The following NCOR1 variants were observed in gnomAD, a reference collection of about 807,000 sequenced individuals.
NCOR1 encodes nuclear receptor corepressor 1.
A neutral mutation model predicts 288.1 loss-of-function variants in NCOR1; 63 were observed. The observed-to-expected ratio is 0.22, with a 90% CI of 0.18 to 0.27. The LOEUF is 0.27. NCOR1 is among the 10% of genes least tolerant of loss of function. NCOR1 has a pLI of 1.00. For synonymous variants in NCOR1, 1,007 were observed against 1,065.9 expected, an observed-to-expected ratio of 0.94 and a Z score of 1.08; for missense variants, 2,397 against 3,019.2, an observed-to-expected ratio of 0.79 and a Z score of 4.83.
At chr17:16,168,478 G>A (rs1372419908) in intron 4 of NCOR1, among the ~76,000 whole-genome samples, 2 of 151,972 alleles carry the variant, frequency 1.3e-5, no homozygotes, top group African/African-American at 4.8e-5. Flanking sequence ...TGGGATTACA[G>A]GCGTGAGCCA....
intron 26 of NCOR1, among the ~76,000 whole-genome samples, chr17:16,077,822 C>T (rs560931031): frequency 1.3e-5 from 2 of 152,062 alleles, no homozygotes; most frequent in South Asian, 4.2e-4. Flanking sequence ...AATTCACAGT[C>T]CGAAATCACA....
At chr17:16,191,005 T>A (rs1033633037) in intron 2 of NCOR1, among the ~76,000 whole-genome samples, 2 of 152,218 alleles carry the variant, frequency 1.3e-5, no homozygotes, top group Non-Finnish European at 2.9e-5. Flanking sequence ...AAGGTTTGGA[T>A]AAGCCATAGG....
chr17:16,072,943 TCA>T (rs377449857), intron 28 of NCOR1, among the ~76,000 whole-genome samples: 6 of 152,180 alleles, frequency 3.9e-5, no homozygotes, highest in African/African-American at 1.4e-4. Flanking sequence ...CCTCTAACCC[TCA>T]CACAGTGTTA....
At chr17:16,201,992 T>C (rs2090875828) in intron 1 of NCOR1, among the ~76,000 whole-genome samples, 1 of 151,922 alleles carries the variant, frequency 6.6e-6, no homozygotes, top group Admixed American at 6.6e-5. Context: ...TTTGGGAGGC[T>C]GAGGCAGGAG....
At chr17:16,156,670 A>G (rs983863315) in intron 6 of NCOR1, among the ~76,000 whole-genome samples, 1 of 152,188 alleles carries the variant, frequency 6.6e-6, no homozygotes, top group African/African-American at 2.4e-5. Flanking sequence ...TTTTCTTCAT[A>G]AAATAAACAA....
At chr17:16,128,195 G>A (rs963207479) in intron 14 of NCOR1, among the ~76,000 whole-genome samples, 1 of 152,134 alleles carries the variant, frequency 6.6e-6, no homozygotes, top group Non-Finnish European at 1.5e-5. Context: ...TCACCATCCT[G>A]CCACATCATC....
chr17:16,215,365 G>A lies in NCOR1; in HGVS notation c.-74C>T, dbSNP rs1272978243. 2 of 394,212 alleles carry A rather than the reference G, an allele frequency of 5.1e-6. No homozygotes were observed. Among genetic ancestry groups the A allele is most frequent in the Non-Finnish European group, 9.0e-6 (2 of 223,438 alleles). The allele number at this position is 394,212 out of a possible 1,614,324, so 24.4% of individuals were successfully genotyped here. A position where few individuals can be genotyped will look rare whatever the true frequency, so the allele number is the denominator to read the frequency against. ...GCAGGCGCCAGGGCCTACTCACCGG[G>A]AGCTGGCTAAGCGTGGGAGCCGACG... is the stretch of plus-strand genomic sequence containing the variant. On this transcript the variant is annotated 5_prime_UTR_variant, in exon 1 of 46. Transcript: ENST00000268712.
In NCOR1 at chr17:16,057,667, G is replaced by A. The variant is rs375660359; in HGVS notation, c.6239C>T (p.Thr2080Ile). 2.0e-5 allele frequency: 33 copies of A among 1,614,100 alleles called. No homozygotes were observed. The highest frequency in any genetic ancestry group is 2.8e-5 in the Non-Finnish European group (33 of 1,180,010). The change falls in exon 40 of 46, where the codon ACA becomes ATA. Residue 2080 changes from threonine (T) to isoleucine (I), a missense_variant. Coordinates refer to ENST00000268712, the MANE Select transcript of NCOR1 (RefSeq NM_006311.4). ...CAAAGCAGAAGGTGAGTTCTGGAAT[G>A]TAGAAGTAGGAGGCTGCTGGGGAGT... ...SQTPQQPPTS[T>I]FQNSPSALVS...
intron 23 of NCOR1, among the ~76,000 whole-genome samples, chr17:16,081,230 C>T (rs7214695): frequency 0.6 from 85,138 of 142,840 alleles, 26,109 homozygotes; most frequent in African/African-American, 0.73. Context: ...TTTTTTGAGA[C>T]AGAGATTTGC....
chr17:16,151,434 C>T (rs1486704008), intron 8 of NCOR1, among the ~76,000 whole-genome samples: 1 of 152,110 alleles, frequency 6.6e-6, no homozygotes, highest in African/African-American at 2.4e-5. Flanking sequence ...TCTACAAATA[C>T]CGTCATTAGC....
At chr17:16,086,591 A>G in intron 22 of NCOR1, 149 bp from the exon 23 acceptor site, 1 of 754,618 alleles carries the variant, frequency 1.3e-6, no homozygotes, top group East Asian at 2.7e-5. Flanking sequence ...TAAATTTCTC[A>G]TTCACGTAAG....
intron 18 of NCOR1, among the ~76,000 whole-genome samples, chr17:16,113,137 G>T (rs149173457): frequency 0.018 from 2,735 of 151,458 alleles, 86 homozygotes; most frequent in African/African-American, 0.062. Context: ...GGATGGTCTC[G>T]ATCTCCTGAC....
At chr17:16,120,662 GA>G (rs1371738267) in intron 16 of NCOR1, among the ~76,000 whole-genome samples, 1 of 151,976 alleles carries the variant, frequency 6.6e-6, no homozygotes, top group African/African-American at 2.4e-5. Context: ...TGTGAATAAA[GA>G]TTTTTTTATT....
intron 21 of NCOR1, among the ~76,000 whole-genome samples, chr17:16,095,414 G>A (rs1285748238): frequency 2.0e-5 from 3 of 148,468 alleles, no homozygotes; most frequent in Non-Finnish European, 4.5e-5. Context: ...CCCCCGCCAG[G>A]CCAGCCGCCC....
In NCOR1 at chr17:16,151,962, G is replaced by C. The variant is rs2078931602; in HGVS notation, c.826C>G (p.His276Asp). ...AATACTTACGTCTTGATGTTCTCAT[G>C]GTACACCTTGGTATCTGATGGCTGG... Reference protein sequence around the residue: ...YNQPSDTKVYHENIKTNQVMR... With the variant: ...YNQPSDTKVYDENIKTNQVMR... The change falls in exon 8 of 46, where the codon CAT (histidine) becomes GAT (aspartate). Residue 276 changes from histidine to aspartate, a missense_variant. His to Asp is a moderately conservative substitution (Grantham distance 81, BLOSUM62 -1). Around this residue, in one of 11 missense-constraint regions of NCOR1, gnomAD observed 76 missense variants for 102.2 expected, o/e 0.74. Coordinates refer to ENST00000268712, the MANE Select transcript of NCOR1 (RefSeq NM_006311.4). 6.3e-7 allele frequency: 1 copy of C among 1,596,540 alleles called. No individual in the cohort carries two copies. The highest frequency in any genetic ancestry group is 1.4e-5 in the African/African-American group (1 of 73,912).
chr17:16,127,707 G>GTATATA lies in NCOR1; in HGVS notation c.1510-1502_1510-1501insTATATA, dbSNP rs2074925034. Among the ~76,000 whole-genome samples, 6 of 127,604 alleles carry GTATATA rather than the reference G, an allele frequency of 4.7e-5. 1 individual carries two copies. The highest frequency in any genetic ancestry group is 1.8e-4 in the African/African-American group (6 of 33,796). The allele number at this position is 127,604 out of a possible 152,430, so 83.7% of individuals were successfully genotyped here. On this transcript the variant is annotated intron_variant, in intron 14 of 45. Coordinates refer to ENST00000268712, the MANE Select transcript of NCOR1 (RefSeq NM_006311.4). ...TGTATATATACATATATGTATATATGTGTGTGTATATATACATATATGTGT... is the reference window on the plus strand; with the variant it reads ...TGTATATATACATATATGTATATATGTATATATGTGTGTATATATACATATATGTGT...
intron 1 of NCOR1, among the ~76,000 whole-genome samples, chr17:16,208,610 G>A (rs2091825779): frequency 6.6e-6 from 1 of 151,618 alleles, no homozygotes; most frequent in Non-Finnish European, 1.5e-5. Context: ...CAGCACTTCA[G>A]GAGGCCAAGG....
chr17:16,108,478 G>A (rs1463694714), intron 19 of NCOR1, among the ~76,000 whole-genome samples: 1 of 152,000 alleles, frequency 6.6e-6, no homozygotes, highest in East Asian at 1.9e-4. Context: ...AAAGAGAAAT[G>A]TAACCAACTA....
rs376262005 is a variant in NCOR1, at chr17:16,149,560, C to T, written c.843-43G>A. The T allele has an allele frequency of 9.7e-4, 958 of 985,592 alleles. 2 individuals carry two copies. The highest frequency in any genetic ancestry group is 1.0e-3 in the Non-Finnish European group (693 of 662,568). 61.1% of individuals were successfully genotyped at this position (985,592 alleles called of 1,614,324 possible). Reference sequence around the variant, plus strand: ...GGTTGCATGACATTAAGAAAAAGCACAATTTAATAATGCATTCACTTTTTT... The same window carrying T: ...GGTTGCATGACATTAAGAAAAAGCATAATTTAATAATGCATTCACTTTTTT... On this transcript the variant is annotated intron_variant, in intron 8 of 45. Transcript: ENST00000268712.
Sources: allele counts gnomAD v4.1 joint callset (sites outside exome capture counted in the v4.1 genomes callset), GRCh38; gene constraint gnomAD v4.1.1; regional missense constraint gnomAD v4.1.1; transcripts MANE v1.5; gene names NCBI Gene and HGNC (gene_info 2026-07-23, HGNC 2026-07-21).